The following SH2D4A variants were observed in gnomAD, a reference collection of about 807,000 sequenced individuals.
The protein encoded by SH2D4A is SH2 domain containing 4A.
SH2D4A carries 70 observed loss-of-function variants against 64.7 expected under a neutral mutation model. The ratio of observed to expected loss-of-function variants is 1.08; its 90% confidence interval spans 0.89 to 1.32. The LOEUF is 1.32. Among genes scored for constraint, SH2D4A ranks in the 40% most tolerant of loss-of-function variants. The pLI, the probability that SH2D4A is intolerant of heterozygous loss-of-function variation, is 0.00. For missense variants in SH2D4A, 706 were observed against 540.1 expected (o/e 1.31, Z -3.04); for synonymous variants, 268 against 200.7 (o/e 1.34, Z -2.83).
At chr8:19,343,200 G>C (rs1383500098) in intron 4 of SH2D4A, among the ~76,000 whole-genome samples, 1 of 152,110 alleles carries the variant, frequency 6.6e-6, no homozygotes, top group African/African-American at 2.4e-5. Flanking sequence ...CGAGGCAGGT[G>C]GATTACTTGA....
chr8:19,353,677 T>G (rs1563198004), intron 4 of SH2D4A, among the ~76,000 whole-genome samples: 3 of 144,410 alleles, frequency 2.1e-5, no homozygotes, highest in African/African-American at 7.7e-5. Context: ...TCTAGCTGTT[T>G]TTTTTTTTTT....
chr8:19,334,333 T>A lies in SH2D4A; in HGVS notation c.342-353T>A, dbSNP rs556517475. ...GGACATATGAAGATAAAGGAATTAT[T>A]TAATCATCGATTGGAAGCAGACGGT... On this transcript the variant is annotated intron_variant, in intron 3 of 9. Coordinates refer to ENST00000265807, the MANE Select transcript of SH2D4A (RefSeq NM_022071.4). 2.0e-5 allele frequency among the ~76,000 whole-genome samples: 3 copies of A among 151,500 alleles called. No individual in the cohort carries two copies. The East Asian group carries it at 5.8e-4, about 29-fold the overall frequency.
At position 19,320,538 on chromosome 8, in the gene SH2D4A, T is replaced by G. The variant is rs181498520; in HGVS notation, c.181+810T>G. Among the ~76,000 whole-genome samples, 37 of 148,842 alleles carry G rather than the reference T, an allele frequency of 2.5e-4. 1 individual carries two copies. The East Asian group carries it at 5.8e-3, about 23-fold the overall frequency. On this transcript the variant is annotated intron_variant, in intron 2 of 9. Coordinates refer to ENST00000265807, the MANE Select transcript of SH2D4A (RefSeq NM_022071.4). ...ACTTGGGAGGCTGAGGTGGTGTAAT[T>G]GCTTGAGCTCAGGAGATCGAGGCCA...
In SH2D4A at chr8:19,319,578, A is replaced by G. The variant is rs751148408; in HGVS notation, c.31A>G (p.Ile11Val). The G allele has an allele frequency of 8.1e-6, 13 of 1,596,032 alleles. No homozygotes were observed. Among genetic ancestry groups the G allele is most frequent in the Non-Finnish European group, 1.1e-5 (13 of 1,173,434 alleles). Residue 11 changes from isoleucine (I) to valine (V), a missense_variant, in exon 2 of 10, where the codon ATA becomes GTA. Ile to Val is a conservative substitution (Grantham distance 29). Transcript: ENST00000265807. Reference sequence around the variant, plus strand: ...GAAACAGATACTGTCGGAGATGTACATAGATCCTGATCTACTGGCAGAGCT... The same window carrying G: ...GAAACAGATACTGTCGGAGATGTACGTAGATCCTGATCTACTGGCAGAGCT... MLKQILSEMY[I>V]DPDLLAELSE...
chr8:19,314,307 C>A (rs77960338), intron 1 of SH2D4A, among the ~76,000 whole-genome samples: 1 of 152,292 alleles, frequency 6.6e-6, no homozygotes, highest in African/African-American at 2.4e-5. Context: ...TGGAAATCTT[C>A]CAGGAGGGAA....
chr8:19,385,484 A>G (rs550559825), intron 8 of SH2D4A, among the ~76,000 whole-genome samples: 96 of 152,224 alleles, frequency 6.3e-4, no homozygotes, highest in African/African-American at 2.1e-3. Flanking sequence ...TACAGGCCTG[A>G]GCCACCACGC....
At chr8:19,330,624 C>A (rs1479512142) in intron 2 of SH2D4A, among the ~76,000 whole-genome samples, 1 of 152,166 alleles carries the variant, frequency 6.6e-6, no homozygotes, top group East Asian at 1.9e-4. Context: ...CTAAGAGTTC[C>A]TGCCCTGCCC....
chr8:19,345,872 A>G (rs1204477117), intron 4 of SH2D4A, among the ~76,000 whole-genome samples: 1 of 152,212 alleles, frequency 6.6e-6, no homozygotes, highest in African/African-American at 2.4e-5. Context: ...CCCAGTTCTA[A>G]GAGTGAAGAA....
intron 2 of SH2D4A, among the ~76,000 whole-genome samples, chr8:19,321,965 G>A (rs2052199012): frequency 6.6e-6 from 1 of 152,150 alleles, no homozygotes. Context: ...GAAACCCTGT[G>A]TTAACTTTGT....
intron 7 of SH2D4A, among the ~76,000 whole-genome samples, chr8:19,370,997 A>G (rs1477270169): frequency 2.6e-5 from 4 of 152,178 alleles, no homozygotes; most frequent in African/African-American, 4.8e-5. Context: ...AAAAAACTGT[A>G]CACTTTACCT....
chr8:19,323,276 A>G (rs2052221973), intron 2 of SH2D4A, among the ~76,000 whole-genome samples: 1 of 152,146 alleles, frequency 6.6e-6, no homozygotes, highest in Non-Finnish European at 1.5e-5. Flanking sequence ...GGTAGAAGGA[A>G]AAGATAATGC....
Position 19,393,350 on chromosome 8 carries a change from C to T in SH2D4A, c.1081C>T (p.Leu361Phe), listed in dbSNP as rs940204981. 6.2e-7 allele frequency: 1 copy of T among 1,614,224 alleles called. No homozygotes were observed. Among genetic ancestry groups the T allele is most frequent in the Non-Finnish European group, 8.5e-7 (1 of 1,180,042 alleles). The change falls in exon 9 of 10, where the codon CTT (leucine) becomes TTT (phenylalanine). Residue 361 changes from leucine (L) to phenylalanine (F), a missense_variant. Physicochemically the swap from Leu to Phe is conservative, Grantham distance 22. Transcript: ENST00000265807. ...ILTLKKANEL[L>F]LSTGMPGSFL... The stretch of plus-strand genomic sequence containing the variant: ...CACACTCAAGAAAGCAAATGAACTT[C>T]TTCTGAGCACAGGCATGCCCGGCAG...
At chr8:19,382,205 C>A (rs1318753379) in intron 8 of SH2D4A, among the ~76,000 whole-genome samples, 1 of 152,142 alleles carries the variant, frequency 6.6e-6, no homozygotes, top group East Asian at 1.9e-4. Context: ...ACTTCCTTAG[C>A]TTTTGTTTAC....
Position 19,393,495 on chromosome 8 carries a change from A to C in SH2D4A, c.1226A>C (p.Asp409Ala), listed in dbSNP as rs1469133187. The change falls in exon 9 of 10, where the codon GAC (aspartate) becomes GCC (alanine). Residue 409 changes from aspartate to alanine, a missense_variant. Coordinates refer to ENST00000265807, the MANE Select transcript of SH2D4A (RefSeq NM_022071.4). ...GACGCCTACAGCTTCCTGGGCGTGGACCAGCTACAGCATGCCACCTTGGCG... is the reference window on the plus strand; with the variant it reads ...GACGCCTACAGCTTCCTGGGCGTGGCCCAGCTACAGCATGCCACCTTGGCG... ...SADAYSFLGV[D>A]QLQHATLADL... The C allele has an allele frequency of 1.2e-6, 2 of 1,614,248 alleles. No individual in the cohort carries two copies. The highest frequency in any genetic ancestry group is 1.7e-6 in the Non-Finnish European group (2 of 1,180,052).
Position 19,319,650 on chromosome 8 carries a change from C to A in SH2D4A, c.103C>A (p.Gln35Lys). 6.2e-7 allele frequency: 1 copy of A among 1,611,124 alleles called. No individual in the cohort carries two copies. Among genetic ancestry groups the A allele is most frequent in the Non-Finnish European group, 8.5e-7 (1 of 1,178,908 alleles). The change falls in exon 2 of 10, where the codon CAG becomes AAG. Residue 35 changes from glutamine to lysine, a missense_variant. Transcript: ENST00000265807. ...QILFFKMREE[Q>K]IRRWKEREAA... ...CCTGTTCTTCAAGATGAGAGAGGAACAGATCCGACGATGGAAAGAAAGAGA... is the reference window on the plus strand; with the variant it reads ...CCTGTTCTTCAAGATGAGAGAGGAAAAGATCCGACGATGGAAAGAAAGAGA...
chr8:19,364,127 A>G lies in SH2D4A; in HGVS notation c.762A>G (p.Arg254=). 1 of 1,614,156 alleles carries G rather than the reference A, an allele frequency of 6.2e-7. No individual in the cohort carries two copies. The highest frequency in any genetic ancestry group is 8.5e-7 in the Non-Finnish European group (1 of 1,180,010). Residue 254 remains arginine (R), a synonymous_variant, in exon 7 of 10, where the codon CGA becomes CGG. Coordinates refer to ENST00000265807, the MANE Select transcript of SH2D4A (RefSeq NM_022071.4). ...GACGCTCCTTGGCTAAACAAGCACG[A>G]GAAGACTACAAGAGGTTATCCCTCG... ...EKRRSLAKQA[R]EDYKRLSLGA... is the part of the protein sequence containing the mutation.
At position 19,385,728 on chromosome 8, in the gene SH2D4A, T is replaced by A. The variant is rs143787935; in HGVS notation, c.1049-7590T>A. Among the ~76,000 whole-genome samples, 1,161 of 152,294 alleles carry A rather than the reference T, an allele frequency of 7.6e-3. 7 individuals carry two copies. The highest frequency in any genetic ancestry group is 0.011 in the Non-Finnish European group (743 of 68,024). ...ACCAGATACCACCCCCAACAGAGCA[T>A]ATGTCACTGAATAGGTTGCATTAAG... On this transcript the variant is annotated intron_variant, in intron 8 of 9. Coordinates refer to ENST00000265807, the MANE Select transcript of SH2D4A (RefSeq NM_022071.4).
At chr8:19,385,469 G>A (rs1471236726) in intron 8 of SH2D4A, among the ~76,000 whole-genome samples, 1 of 152,054 alleles carries the variant, frequency 6.6e-6, no homozygotes, top group Non-Finnish European at 1.5e-5. Flanking sequence ...CCAAAGTGCT[G>A]GGATTACAGG....
intron 4 of SH2D4A, among the ~76,000 whole-genome samples, chr8:19,341,866 A>G (rs1040795399): frequency 1.3e-5 from 2 of 150,192 alleles, no homozygotes; most frequent in African/African-American, 4.9e-5. Context: ...AAAAAAGATC[A>G]TCACGAGAAA....
Sources: gnomAD v4.1 joint callset for allele counts (sites outside exome capture counted in the v4.1 genomes callset) on GRCh38, gnomAD v4.1.1 for gene constraint, MANE v1.5 for transcripts, NCBI Gene and HGNC (gene_info 2026-07-23, HGNC 2026-07-21) for gene names.